The following TMEM38B variants were observed in gnomAD, a reference collection of about 807,000 sequenced individuals.
TMEM38B encodes the protein trimeric intracellular cation channel type B.
In TMEM38B, 24 loss-of-function variants were observed where a neutral mutation model predicts 28.7. That is an observed-to-expected ratio of 0.84 (90% CI 0.61 to 1.18). The LOEUF is 1.18. TMEM38B is among the 50% of genes most tolerant of loss of function. The probability of loss-of-function intolerance (pLI) is 0.00; values close to 1 mark genes in which losing one functional copy is unlikely to be tolerated. For missense variants in TMEM38B, 380 were observed against 350.9 expected (o/e 1.08, Z -0.66); for synonymous variants, 131 against 127.7 (o/e 1.03, Z -0.17).
At chr9:105,755,942 G>A (rs1242906131) in intron 5 of TMEM38B, among the ~76,000 whole-genome samples, 1 of 152,156 alleles carries the variant, frequency 6.6e-6, no homozygotes, top group African/African-American at 2.4e-5. Flanking sequence ...TTAAAAGGCA[G>A]ATTCCTGGCT....
At chr9:105,748,630 C>T (rs1837524320) in intron 5 of TMEM38B, among the ~76,000 whole-genome samples, 1 of 152,130 alleles carries the variant, frequency 6.6e-6, no homozygotes, top group Non-Finnish European at 1.5e-5. Context: ...TTTATTCCTT[C>T]CTGAAGATAG....
chr9:105,758,070 G>T (rs1224972485), intron 5 of TMEM38B: 8 of 344,186 alleles, frequency 2.3e-5, no homozygotes, highest in Non-Finnish European at 3.8e-5. Context: ...TCGGCGGCAG[G>T]GCCAGTGGTT....
chr9:105,722,413 A>G (rs1390812318), intron 3 of TMEM38B, 121 bp from the exon 4 acceptor site: 10 of 838,084 alleles, frequency 1.2e-5, no homozygotes, highest in Non-Finnish European at 1.7e-5. Flanking sequence ...CTTCTTTCCA[A>G]GAATTATATT....
At chr9:105,734,005 CT>C (rs1329345457) in intron 4 of TMEM38B, among the ~76,000 whole-genome samples, 1 of 150,722 alleles carries the variant, frequency 6.6e-6, no homozygotes, top group African/African-American at 2.4e-5. Flanking sequence ...TTACTTTGTT[CT>C]TTTTTTATTT....
At chr9:105,739,681 C>T (rs947836312) in intron 4 of TMEM38B, among the ~76,000 whole-genome samples, 7 of 150,482 alleles carry the variant, frequency 4.7e-5, no homozygotes, top group East Asian at 2.0e-4. Flanking sequence ...GGTGCCACCA[C>T]GCCAGTCTAA....
At chr9:105,703,758 T>TA (rs1835540414) in intron 1 of TMEM38B, among the ~76,000 whole-genome samples, 1 of 152,084 alleles carries the variant, frequency 6.6e-6, no homozygotes, top group African/African-American at 2.4e-5. Flanking sequence ...TGTGAGATGG[T>TA]ATCTCATTGT....
intron 5 of TMEM38B, among the ~76,000 whole-genome samples, chr9:105,757,606 C>T (rs1196579245): frequency 6.6e-6 from 1 of 152,038 alleles, no homozygotes; most frequent in Non-Finnish European, 1.5e-5. Flanking sequence ...TTTGAAAAAA[C>T]ACTGAGAAGT....
chr9:105,735,038 A>AT (rs1836920100), intron 4 of TMEM38B, among the ~76,000 whole-genome samples: 1 of 150,604 alleles, frequency 6.6e-6, no homozygotes, highest in Non-Finnish European at 1.5e-5. Flanking sequence ...GCTTTATTTC[A>AT]TTTTTCTCTC....
chr9:105,722,893 G>A lies in TMEM38B; in HGVS notation c.542+272G>A, dbSNP rs78570244. 0.012 allele frequency among the ~76,000 whole-genome samples: 1,817 copies of A among 152,200 alleles called. 18 individuals carry two copies. Among genetic ancestry groups the A allele is most frequent in the Non-Finnish European group, 0.02 (1,364 of 68,010 alleles). On this transcript the variant is annotated intron_variant, in intron 4 of 5. Coordinates refer to ENST00000374692, the MANE Select transcript of TMEM38B (RefSeq NM_018112.3). ...AACCTCTAGATTATAGTAGAATTGT[G>A]GGAAAAGTATATATTTATAAAGTGA... is the stretch of plus-strand genomic sequence containing the variant.
intron 2 of TMEM38B, among the ~76,000 whole-genome samples, chr9:105,715,366 C>T (rs1292268988): frequency 1.3e-5 from 2 of 151,658 alleles, no homozygotes; most frequent in Non-Finnish European, 2.9e-5. Context: ...TCATTAAGGT[C>T]CAGTCATTTA....
chr9:105,722,029 A>T (rs939984587), intron 3 of TMEM38B, among the ~76,000 whole-genome samples: 1 of 152,226 alleles, frequency 6.6e-6, no homozygotes, highest in Non-Finnish European at 1.5e-5. Context: ...ATAAGTTTAC[A>T]TAAGAAATTA....
intron 5 of TMEM38B, among the ~76,000 whole-genome samples, chr9:105,751,110 T>G (rs1837632115): frequency 6.6e-6 from 1 of 152,218 alleles, no homozygotes; most frequent in African/African-American, 2.4e-5. Flanking sequence ...TAGAAGCAGC[T>G]GTGGTCCATG....
intron 4 of TMEM38B, among the ~76,000 whole-genome samples, chr9:105,742,979 A>G (rs1394324610): frequency 3.3e-5 from 5 of 152,282 alleles, no homozygotes; most frequent in African/African-American, 1.2e-4. Flanking sequence ...TTTAGAGACC[A>G]CCGTTCTAAA....
In TMEM38B at chr9:105,761,569, A is replaced by T. The variant is rs187963450; in HGVS notation, c.661-12296A>T. Reference sequence around the variant, plus strand: ...AGGTATTTATTTTTAATCAAGGGAGATACACCTATCAGATGCTTAAAATAA... The same window carrying T: ...AGGTATTTATTTTTAATCAAGGGAGTTACACCTATCAGATGCTTAAAATAA... On this transcript the variant is annotated intron_variant, in intron 5 of 5. Transcript: ENST00000374692. 2.4e-3 allele frequency among the ~76,000 whole-genome samples: 359 copies of T among 152,266 alleles called. 2 individuals are homozygous for T. Among genetic ancestry groups the T allele is most frequent in the African/African-American group, 8.3e-3 (346 of 41,564 alleles).
chr9:105,740,365 C>T (rs1258640172), intron 4 of TMEM38B, among the ~76,000 whole-genome samples: 1 of 149,910 alleles, frequency 6.7e-6, no homozygotes, highest in African/African-American at 2.5e-5. Flanking sequence ...CTCCCAGGCT[C>T]TAGTGATCCT....
At chr9:105,746,638 G>A (rs1291119400) in intron 4 of TMEM38B, among the ~76,000 whole-genome samples, 1 of 152,110 alleles carries the variant, frequency 6.6e-6, no homozygotes, top group Non-Finnish European at 1.5e-5. Context: ...GTGAGAGAGG[G>A]CATCCCTGTC....
intron 5 of TMEM38B, chr9:105,758,342 T>C: frequency 1.1e-6 from 1 of 884,488 alleles, no homozygotes; most frequent in Non-Finnish European, 1.9e-6. Flanking sequence ...ATCTTCCTGG[T>C]ATGGCGATCT....
In TMEM38B at chr9:105,706,817, T is replaced by A. The variant is rs967818251; in HGVS notation, c.269+1064T>A. 2.0e-5 allele frequency among the ~76,000 whole-genome samples: 3 copies of A among 152,200 alleles called. No homozygotes were observed. The East Asian group carries it at 5.8e-4, about 29-fold the overall frequency. ...TGAGCTGCTAAGCAGAGGAAAACTTTTTTTTTTTTCTTTTTAACCCTTATT... is the reference window on the plus strand; with the variant it reads ...TGAGCTGCTAAGCAGAGGAAAACTTATTTTTTTTTCTTTTTAACCCTTATT... On this transcript the variant is annotated intron_variant, in intron 2 of 5. Transcript: ENST00000374692.
chr9:105,751,502 T>C (rs1374640735), intron 5 of TMEM38B, among the ~76,000 whole-genome samples: 1 of 152,226 alleles, frequency 6.6e-6, no homozygotes, highest in Non-Finnish European at 1.5e-5. Flanking sequence ...TTATATACTC[T>C]GGCCCTGGAG....
Sources: allele counts gnomAD v4.1 joint callset (sites outside exome capture counted in the v4.1 genomes callset), GRCh38; gene constraint gnomAD v4.1.1; transcripts MANE v1.5; gene names NCBI Gene and HGNC (gene_info 2026-07-23, HGNC 2026-07-21).